The following KCTD1 variants were observed in gnomAD, a reference collection of about 807,000 sequenced individuals.
KCTD1 encodes the protein BTB/POZ domain-containing protein KCTD1.
In KCTD1, 24 loss-of-function variants were observed where a neutral mutation model predicts 66.0. The observed-to-expected ratio is 0.36, with a 90% CI of 0.26 to 0.51. The LOEUF is 0.51. Ranked by LOEUF, KCTD1 falls within the 20% of genes least tolerant of loss-of-function variation. The probability of loss-of-function intolerance (pLI) is 0.95; values close to 1 mark genes in which losing one functional copy is unlikely to be tolerated. For missense variants in KCTD1, 943 were observed against 1,205.2 expected (o/e 0.78, Z 3.22); for synonymous variants, 511 against 517.2 (o/e 0.99, Z 0.16).
chr18:26,614,804 C>G (rs1987213895), intron 1 of KCTD1, among the ~76,000 whole-genome samples: 1 of 151,820 alleles, frequency 6.6e-6, no homozygotes, highest in South Asian at 2.1e-4. Flanking sequence ...AACGTGGTGA[C>G]CTACACTTAT....
upstream of KCTD1, chr18:26,549,191 G>T (rs1985437327): frequency 4.1e-6 from 4 of 985,806 alleles, no homozygotes; most frequent in Non-Finnish European, 4.8e-6. Flanking sequence ...GGCGCAGCGG[G>T]CGAGGCTTGG....
upstream of KCTD1, among the ~76,000 whole-genome samples, chr18:26,643,542 A>G (rs569794328): frequency 6.6e-6 from 1 of 152,226 alleles, no homozygotes; most frequent in Non-Finnish European, 1.5e-5. Flanking sequence ...GGACATCTCA[A>G]TAAGTCAGGA....
chr18:26,554,257 AAAGAG>A (rs1323245938), intron 1 of KCTD1, among the ~76,000 whole-genome samples: 8 of 150,638 alleles, frequency 5.3e-5, no homozygotes, highest in African/African-American at 9.7e-5. Context: ...GAGAGAAAGA[AAAGAG>A]AAGAGAAGAA....
intron 1 of KCTD1, among the ~76,000 whole-genome samples, chr18:26,579,265 T>TCACA (rs74670208): frequency 9.9e-5 from 15 of 150,828 alleles, no homozygotes; most frequent in East Asian, 3.9e-4. Flanking sequence ...TTTCTCACCC[T>TCACA]CACACACACA....
At chr18:26,483,139 T>C (rs555477707) in intron 2 of KCTD1, among the ~76,000 whole-genome samples, 8 of 152,318 alleles carry the variant, frequency 5.3e-5, no homozygotes, top group African/African-American at 1.7e-4. Flanking sequence ...TGATACCTGC[T>C]TATGTTGTCA....
At chr18:26,496,599 T>C (rs1292885148) in intron 2 of KCTD1, among the ~76,000 whole-genome samples, 2 of 152,196 alleles carry the variant, frequency 1.3e-5, no homozygotes, top group Non-Finnish European at 2.9e-5. Flanking sequence ...TTCAGTTAAT[T>C]TGAAAACTTT....
upstream of KCTD1, among the ~76,000 whole-genome samples, chr18:26,629,724 CT>C (rs11379360): frequency 0.026 from 3,762 of 144,948 alleles, 141 homozygotes; most frequent in African/African-American, 0.087. Flanking sequence ...ACCCCCCCGC[CT>C]TTTTTTTTTT....
chr18:26,598,516 G>A (rs1416947866), intron 1 of KCTD1, among the ~76,000 whole-genome samples: 1 of 149,170 alleles, frequency 6.7e-6, no homozygotes, highest in Non-Finnish European at 1.5e-5. Flanking sequence ...TTTTCTAGGA[G>A]TACAAATGTG....
intron 1 of KCTD1, among the ~76,000 whole-genome samples, chr18:26,636,539 A>C (rs1245275858): frequency 6.6e-6 from 1 of 152,188 alleles, no homozygotes; most frequent in African/African-American, 2.4e-5. Context: ...TCTCCCATTG[A>C]GAGTGCTCTC....
chr18:26,617,611 T>G, intron 1 of KCTD1, among the ~76,000 whole-genome samples: 1 of 152,198 alleles, frequency 6.6e-6, no homozygotes, highest in East Asian at 1.9e-4. Flanking sequence ...ATTGTTTTAA[T>G]GCATGTAATT....
intron 1 of KCTD1, among the ~76,000 whole-genome samples, chr18:26,638,761 A>G (rs1228676145): frequency 1.3e-5 from 2 of 152,220 alleles, no homozygotes; most frequent in African/African-American, 2.4e-5. Flanking sequence ...TGATTCAACT[A>G]CAGCCAACTG....
chr18:26,620,024 G>A (rs1198638796), intron 1 of KCTD1, among the ~76,000 whole-genome samples: 1 of 152,106 alleles, frequency 6.6e-6, no homozygotes, highest in Non-Finnish European at 1.5e-5. Flanking sequence ...AGGAGACCCT[G>A]CATAATGGTA....
chr18:26,520,776 G>A (rs147506142), intron 1 of KCTD1, among the ~76,000 whole-genome samples: 159 of 152,308 alleles, frequency 1.0e-3, no homozygotes, highest in African/African-American at 3.7e-3. Context: ...CCTCCAGCTT[G>A]CCTGGAGATA....
At chr18:26,636,076 T>C (rs930685913) in intron 1 of KCTD1, among the ~76,000 whole-genome samples, 1 of 152,106 alleles carries the variant, frequency 6.6e-6, no homozygotes, top group Admixed American at 6.5e-5. Context: ...AGTTTTAGAC[T>C]GAGTTCAGTC....
chr18:26,592,337 C>T (rs191942313), intron 1 of KCTD1, among the ~76,000 whole-genome samples: 1 of 152,276 alleles, frequency 6.6e-6, no homozygotes, highest in African/African-American at 2.4e-5. Context: ...GAAATGGCAA[C>T]ATATGCTTTG....
At chr18:26,521,591 A>T (rs536456015) in intron 1 of KCTD1, among the ~76,000 whole-genome samples, 1 of 152,342 alleles carries the variant, frequency 6.6e-6, no homozygotes, top group Non-Finnish European at 1.5e-5. Context: ...ATCTATCAAG[A>T]TTGTGCCCCA....
At chr18:26,626,494 G>A (rs1480148529) in intron 1 of KCTD1, among the ~76,000 whole-genome samples, 1 of 91,926 alleles carries the variant, frequency 1.1e-5, no homozygotes, top group Non-Finnish European at 2.2e-5. Flanking sequence ...TTTTTTTTTT[G>A]AGGCAAGGTC....
chr18:26,570,191 A>AATATATATATATAT (rs1555643817), intron 1 of KCTD1, among the ~76,000 whole-genome samples: 1 of 132,544 alleles, frequency 7.5e-6, no homozygotes, highest in Non-Finnish European at 1.6e-5. Flanking sequence ...ATCTAAAAAA[A>AATATATATATATAT]ATATATATAT....
At chr18:26,632,276 C>T (rs1987637527), upstream of KCTD1, among the ~76,000 whole-genome samples, 1 of 151,880 alleles carries the variant, frequency 6.6e-6, no homozygotes, top group African/African-American at 2.4e-5. Flanking sequence ...ATCCCAGCTA[C>T]TCGGGAGGAT....
Sources: gnomAD v4.1 joint callset for allele counts (sites outside exome capture counted in the v4.1 genomes callset) on GRCh38, gnomAD v4.1.1 for gene constraint, MANE v1.5 for transcripts, NCBI Gene and HGNC (gene_info 2026-07-23, HGNC 2026-07-21) for gene names.